KANSL1L: variants seen among roughly 807,000 people sequenced by gnomAD.
KANSL1L encodes the protein KAT8 regulatory NSL complex subunit 1-like protein.
KANSL1L carries 25 observed loss-of-function variants against 108.6 expected under a neutral mutation model. The ratio of observed to expected loss-of-function variants is 0.23; its 90% CI spans 0.17 to 0.32. The LOEUF is 0.32. KANSL1L is among the 10% of genes least tolerant of loss of function. The probability of loss-of-function intolerance (pLI) is 1.00; values close to 1 mark genes in which losing one functional copy is unlikely to be tolerated. For synonymous variants in KANSL1L, 405 were observed against 395.1 expected (o/e 1.03, Z -0.30); for missense variants, 1,137 against 1,125.7 (o/e 1.01, Z -0.14).
rs1330594337 is a variant in KANSL1L at position 210,024,083 on chromosome 2, C to T, written c.2683G>A (p.Asp895Asn). ...GAAGGTAAGCCATATGCACACAGATCCTGGTTCTCTGAAGGAAGCCCAGGA... is the reference window on the plus strand; with the variant it reads ...GAAGGTAAGCCATATGCACACAGATTCTGGTTCTCTGAAGGAAGCCCAGGA... The part of the protein sequence containing the change: ...SPPGLPSENQ[D>N]LCAYGLPSLN... Residue 895 changes from aspartate to asparagine, a missense_variant, in exon 14 of 15, where the codon GAT becomes AAT. Around this residue, in one of 3 missense-constraint regions of KANSL1L, gnomAD observed 575 missense variants for 567.1 expected, o/e 1.01. Transcript: ENST00000281772. The T allele has an allele frequency of 6.2e-7, 1 of 1,608,082 alleles. No individual in the cohort carries two copies. The highest frequency in any genetic ancestry group is 8.5e-7 in the Non-Finnish European group (1 of 1,176,968).
chr2:210,075,755 C>T lies in KANSL1L; in HGVS notation c.1552G>A (p.Ala518Thr). Residue 518 changes from alanine (A) to threonine (T), a missense_variant and splice_region_variant, in exon 6 of 15, where the codon GCA becomes ACA. Physicochemically the swap from Ala to Thr is moderately conservative, Grantham distance 58. This residue lies in a region of KANSL1L where 575 missense variants were observed against 567.1 expected (regional missense o/e 1.01). Coordinates refer to ENST00000281772, the MANE Select transcript of KANSL1L (RefSeq NM_152519.4). ...GACAGCTCATCTAAATTCTCTGATGCACTGAAATGCCATGAAATAATTAGG... is the reference window on the plus strand; with the variant it reads ...GACAGCTCATCTAAATTCTCTGATGTACTGAAATGCCATGAAATAATTAGG... ...KCLANGIYRS[A>T]SENLDELSSS... 2 of 1,609,412 alleles carry T rather than the reference C, an allele frequency of 1.2e-6. No homozygotes were observed. The highest frequency in any genetic ancestry group is 1.1e-5 in the South Asian group (1 of 90,924).
intron 2 of KANSL1L, among the ~76,000 whole-genome samples, chr2:210,148,143 T>G (rs1377413618): frequency 6.6e-6 from 1 of 152,116 alleles, no homozygotes; most frequent in South Asian, 2.1e-4. Flanking sequence ...ATAGTGGGAT[T>G]TTTTTTCCCC....
chr2:210,124,400 A>C (rs2095047363), intron 3 of KANSL1L, among the ~76,000 whole-genome samples: 1 of 152,148 alleles, frequency 6.6e-6, no homozygotes, highest in African/African-American at 2.4e-5. Context: ...AACAACCAAT[A>C]GATCAAAGTA....
chr2:210,118,657 G>C (rs1239544164), intron 3 of KANSL1L, among the ~76,000 whole-genome samples: 1 of 151,694 alleles, frequency 6.6e-6, no homozygotes, highest in African/African-American at 2.4e-5. Flanking sequence ...GTCCAGCTTG[G>C]GTACATGGCA....
intron 5 of KANSL1L, among the ~76,000 whole-genome samples, chr2:210,078,669 C>T (rs1161256202): frequency 6.6e-6 from 1 of 152,136 alleles, no homozygotes; most frequent in Admixed American, 6.5e-5. Context: ...ACTTATTTCA[C>T]ACATTAACAA....
In KANSL1L at chr2:210,028,858, T is replaced by C; in HGVS notation, c.2383A>G (p.Ile795Val). The change falls in exon 11 of 15, where the codon ATA becomes GTA. Residue 795 changes from isoleucine (I) to valine (V), a missense_variant. This residue lies in a region of KANSL1L where 575 missense variants were observed against 567.1 expected (regional missense o/e 1.01). Transcript: ENST00000281772. ...AKLEKLQYKE[I>V]LTPSWRMVVL... ...AAGTATACATACCTTGGAGTAAGTA[T>C]TTCCTTATATTGGAGTTTCTCTAAT... 6.3e-7 allele frequency: 1 copy of C among 1,590,854 alleles called. No homozygotes were observed.
chr2:210,042,123 T>C (rs2094171082), intron 7 of KANSL1L, among the ~76,000 whole-genome samples: 1 of 152,196 alleles, frequency 6.6e-6, no homozygotes, highest in African/African-American at 2.4e-5. Context: ...GAAAACATGA[T>C]CTAACAAGAA....
rs560986009 is a variant in KANSL1L at position 210,055,711 on chromosome 2, CT to C, written c.1756-11608del. 1.8e-3 allele frequency among the ~76,000 whole-genome samples: 273 copies of C among 152,256 alleles called. 3 individuals carry two copies. The highest frequency in any genetic ancestry group is 6.2e-3 in the African/African-American group (258 of 41,550). ...TAGAAAAGAGACTGGCAACATTTTA[CT>C]CCTGGCCAAGAGATCTGTGGAACTT... On this transcript the variant is annotated intron_variant, in intron 6 of 14. Transcript: ENST00000281772.
chr2:210,103,985 T>C (rs2094821398), intron 4 of KANSL1L, 119 bp downstream of exon 4: 1 of 689,720 alleles, frequency 1.4e-6, no homozygotes, highest in Non-Finnish European at 2.5e-6. Flanking sequence ...TAATGCCAGA[T>C]GGCCTAGTTT....
intron 3 of KANSL1L, among the ~76,000 whole-genome samples, chr2:210,118,973 T>C (rs2094986202): frequency 6.6e-6 from 1 of 151,808 alleles, no homozygotes; most frequent in South Asian, 2.1e-4. Flanking sequence ...ATTGAGACTA[T>C]CCTGGCGAAC....
chr2:210,103,341 G>C (rs2125429527), intron 4 of KANSL1L, among the ~76,000 whole-genome samples: 1 of 152,044 alleles, frequency 6.6e-6, no homozygotes, highest in Admixed American at 6.5e-5. Context: ...AAGGGGGGAG[G>C]GATAGCATTA....
intron 7 of KANSL1L, among the ~76,000 whole-genome samples, chr2:210,041,878 GAC>G (rs1255990164): frequency 2.6e-5 from 4 of 152,166 alleles, no homozygotes; most frequent in Non-Finnish European, 5.9e-5. Context: ...TGTACCAAGG[GAC>G]AGAGGTAAGA....
chr2:210,131,404 G>A, intron 2 of KANSL1L, among the ~76,000 whole-genome samples: 1 of 152,144 alleles, frequency 6.6e-6, no homozygotes, highest in Non-Finnish European at 1.5e-5. Flanking sequence ...GGCAATCAAA[G>A]ATGATCTTAA....
chr2:210,087,033 ATT>A (rs1331094418), intron 5 of KANSL1L, among the ~76,000 whole-genome samples: 6 of 145,494 alleles, frequency 4.1e-5, no homozygotes, highest in Admixed American at 1.4e-4. Context: ...TTTTTATTTT[ATT>A]TTTTTTTTTT....
chr2:210,132,782 T>C (rs2125556635), intron 2 of KANSL1L, among the ~76,000 whole-genome samples: 1 of 152,272 alleles, frequency 6.6e-6, no homozygotes, highest in Admixed American at 6.5e-5. Context: ...TGCTGTTCTC[T>C]TGTCATATTT....
intron 6 of KANSL1L, among the ~76,000 whole-genome samples, chr2:210,058,517 C>T (rs1244685202): frequency 6.6e-6 from 1 of 152,028 alleles, no homozygotes; most frequent in Admixed American, 6.6e-5. Context: ...GTCCCCTCTC[C>T]TTTTGAAAAT....
At chr2:210,101,518 G>A (rs571636045) in intron 4 of KANSL1L, among the ~76,000 whole-genome samples, 2 of 152,148 alleles carry the variant, frequency 1.3e-5, no homozygotes, top group Non-Finnish European at 2.9e-5. Context: ...ATTTGACTGT[G>A]TAAGCAAATG....
chr2:210,159,562 TATC>T (rs1213978313), intron 1 of KANSL1L, among the ~76,000 whole-genome samples: 2 of 152,192 alleles, frequency 1.3e-5, no homozygotes, highest in African/African-American at 4.8e-5. Flanking sequence ...ACACAGTAAT[TATC>T]ATGTATTTGT....
In KANSL1L at chr2:210,170,831, T is replaced by G. The variant is rs181308452; in HGVS notation, c.-30+318A>C. ...CGCGCCAGCCAAAACAAAAGGGAGG[T>G]CTGCCAAGCCCCACCCCCCACGTGA... On this transcript the variant is annotated intron_variant, in intron 1 of 14. Transcript: ENST00000281772. Among the ~76,000 whole-genome samples, 54 of 151,374 alleles carry G rather than the reference T, an allele frequency of 3.6e-4. No individual in the cohort carries two copies. In the East Asian group the frequency reaches 0.01, roughly 29 times the overall value.
Sources: allele counts gnomAD v4.1 joint callset (sites outside exome capture counted in the v4.1 genomes callset), GRCh38; gene constraint gnomAD v4.1.1; regional missense constraint gnomAD v4.1.1; transcripts MANE v1.5; gene names NCBI Gene and HGNC (gene_info 2026-07-23, HGNC 2026-07-21).